Variants in FMN1 observed in about 807,000 individuals in gnomAD.
FMN1 encodes the protein formin 1.
FMN1 carries 110 observed loss-of-function variants against 132.4 expected under a neutral mutation model. The ratio of observed to expected loss-of-function variants is 0.83; its 90% CI spans 0.71 to 0.97. FMN1 has a LOEUF of 0.97. FMN1 is among the 50% of genes least tolerant of loss of function. The pLI, the probability that FMN1 is intolerant of heterozygous loss-of-function variation, is 0.00. For missense variants in FMN1, 1,792 were observed against 1,705.3 expected, an observed-to-expected ratio of 1.05 and a Z score of -0.90; for synonymous variants, 722 against 651.7, an observed-to-expected ratio of 1.11 and a Z score of -1.64.
At chr15:32,818,393 A>G (rs1469602632) in intron 17 of FMN1, among the ~76,000 whole-genome samples, 1 of 152,186 alleles carries the variant, frequency 6.6e-6, no homozygotes, top group African/African-American at 2.4e-5. Flanking sequence ...ATTTCAGAAT[A>G]ATTTTTTGAC....
Position 33,153,531 on chromosome 15 carries a change from AC to A in FMN1, c.1383del (p.Leu462CysfsTer17). 1 of 1,536,272 alleles carries A rather than the reference AC, an allele frequency of 6.5e-7. No individual in the cohort carries two copies. The highest frequency in any genetic ancestry group is 8.7e-7 in the Non-Finnish European group (1 of 1,146,946). ...AAGGACTTGTGGCCACCAAGGGGCA[AC>A]CCGGCTCTCCTCTTGTTTCTCGTTT... ...RPETRNKRRA[G>X]LPLGGHKSLF... is the part of the protein sequence containing the mutation. On this transcript the variant is annotated frameshift_variant, in exon 4 of 21. Coordinates refer to ENST00000616417, the MANE Select transcript of FMN1 (RefSeq NM_001277313.2). LOFTEE classifies it high-confidence loss of function.
rs1396393201 is a variant in FMN1, at chr15:32,972,113, AG to A, written c.2224-2637del. 7.9e-5 allele frequency among the ~76,000 whole-genome samples: 12 copies of A among 152,296 alleles called. No individual in the cohort carries two copies. In the South Asian group the frequency reaches 2.1e-3, roughly 26 times the overall value. On this transcript the variant is annotated intron_variant, in intron 7 of 20. Coordinates refer to ENST00000616417, the MANE Select transcript of FMN1 (RefSeq NM_001277313.2). ...AGGGAGGCAAATTAATATACGTAAA[AG>A]AAAATACAGAAGAGTGTTTGCAGCA... is the stretch of plus-strand genomic sequence containing the variant.
At chr15:33,115,882 C>G (rs11636386) in intron 4 of FMN1, among the ~76,000 whole-genome samples, 47,969 of 152,024 alleles carry the variant, frequency 0.32, 9,347 homozygotes, top group South Asian at 0.42. Context: ...AATTCTCCAC[C>G]ACCTTTACTC....
At chr15:33,102,358 T>C (rs1050954107) in intron 4 of FMN1, among the ~76,000 whole-genome samples, 6 of 152,084 alleles carry the variant, frequency 3.9e-5, no homozygotes, top group Non-Finnish European at 5.9e-5. Context: ...GAGTAAAACA[T>C]TGGGGAGCAG....
At chr15:32,832,116 T>A (rs1396870248) in intron 17 of FMN1, among the ~76,000 whole-genome samples, 1 of 152,176 alleles carries the variant, frequency 6.6e-6, no homozygotes, top group Non-Finnish European at 1.5e-5. Context: ...CGTATAACTA[T>A]GGGTTGTTTA....
chr15:33,094,029 C>G (rs1297498110), intron 4 of FMN1, among the ~76,000 whole-genome samples: 1 of 151,956 alleles, frequency 6.6e-6, no homozygotes, highest in Non-Finnish European at 1.5e-5. Flanking sequence ...AATCTAAGTT[C>G]TTTATGCTAT....
In FMN1 at chr15:33,157,136, A is replaced by G. The variant is rs564093939; in HGVS notation, c.-131-2091T>C. Among the ~76,000 whole-genome samples, 11 of 152,132 alleles carry G rather than the reference A, an allele frequency of 7.2e-5. No individual in the cohort carries two copies. The East Asian group carries it at 2.1e-3, about 29-fold the overall frequency. On this transcript the variant is annotated intron_variant, in intron 3 of 20. Coordinates refer to ENST00000616417, the MANE Select transcript of FMN1 (RefSeq NM_001277313.2). ...AAAAATTAGCTGTGTGTGGTGGTGC[A>G]TGCCTATAATCCTAGCTACTCAGGA...
chr15:33,011,305 A>T (rs1038424636), intron 6 of FMN1, among the ~76,000 whole-genome samples: 5 of 152,160 alleles, frequency 3.3e-5, no homozygotes, highest in African/African-American at 1.2e-4. Flanking sequence ...ATCATTAGTT[A>T]CACAAAGAAT....
At chr15:32,832,234 T>G (rs891192530) in intron 17 of FMN1, among the ~76,000 whole-genome samples, 1 of 152,190 alleles carries the variant, frequency 6.6e-6, no homozygotes, top group Admixed American at 6.5e-5. Flanking sequence ...GAAAAAACAT[T>G]GACCCTTCTC....
chr15:32,993,772 G>A (rs115798033), intron 7 of FMN1, among the ~76,000 whole-genome samples: 2,080 of 152,164 alleles, frequency 0.014, 43 homozygotes, highest in African/African-American at 0.048. Context: ...CTTGTTGTCA[G>A]AGAGCGTAAA....
intron 17 of FMN1, among the ~76,000 whole-genome samples, chr15:32,845,220 C>T (rs527327803): frequency 6.6e-6 from 1 of 152,240 alleles, no homozygotes; most frequent in African/African-American, 2.4e-5. Context: ...GGTGGCTAGG[C>T]CAATAATTAC....
chr15:33,091,563 C>A (rs530083132), intron 4 of FMN1, among the ~76,000 whole-genome samples: 9 of 152,034 alleles, frequency 5.9e-5, no homozygotes, highest in South Asian at 2.1e-4. Context: ...CAGAAAAGGA[C>A]CATAAGTAAC....
intron 19 of FMN1, among the ~76,000 whole-genome samples, chr15:32,777,629 A>AT (rs2056482491): frequency 7.0e-6 from 1 of 143,140 alleles, no homozygotes; most frequent in East Asian, 2.0e-4. Flanking sequence ...ACATTTATAT[A>AT]TTACGTATAA....
At chr15:32,821,108 T>TTTTTTTTTTTTTTTTTTTTTG (rs1229243106) in intron 17 of FMN1, among the ~76,000 whole-genome samples, 1 of 150,634 alleles carries the variant, frequency 6.6e-6, no homozygotes, top group Non-Finnish European at 1.5e-5. Context: ...ACAGATTTTC[T>TTTTTTTTTTTTTTTTTTTTTG]AAGATACAAT....
chr15:32,931,779 T>C (rs886913210), intron 9 of FMN1, among the ~76,000 whole-genome samples: 8 of 152,206 alleles, frequency 5.3e-5, no homozygotes, highest in African/African-American at 1.9e-4. Flanking sequence ...TTGCTGATCT[T>C]AGTGGAAATG....
At chr15:32,998,356 T>C (rs769991058) in intron 7 of FMN1, among the ~76,000 whole-genome samples, 2 of 152,212 alleles carry the variant, frequency 1.3e-5, no homozygotes, top group Non-Finnish European at 2.9e-5. Flanking sequence ...CTAGGTAACA[T>C]GGGAAAAGAA....
chr15:32,860,413 G>C (rs2059242847), intron 16 of FMN1, among the ~76,000 whole-genome samples: 1 of 152,194 alleles, frequency 6.6e-6, no homozygotes, highest in African/African-American at 2.4e-5. Flanking sequence ...AGCACTTTGG[G>C]AGGCCAAGGC....
chr15:32,930,018 C>A (rs1476585465), intron 9 of FMN1, among the ~76,000 whole-genome samples: 1 of 103,458 alleles, frequency 9.7e-6, no homozygotes, highest in East Asian at 3.4e-4. Flanking sequence ...GAGCTGGAGT[C>A]TCGTTCTGTC....
intron 10 of FMN1, among the ~76,000 whole-genome samples, chr15:32,915,087 T>C (rs1156396825): frequency 6.6e-6 from 1 of 152,188 alleles, no homozygotes; most frequent in African/African-American, 2.4e-5. Flanking sequence ...CTAGAACTTA[T>C]GGAGATTAAA....
Sources: allele counts gnomAD v4.1 joint callset (sites outside exome capture counted in the v4.1 genomes callset), GRCh38; gene constraint gnomAD v4.1.1; transcripts MANE v1.5; gene names NCBI Gene and HGNC (gene_info 2026-07-23, HGNC 2026-07-21).